FRMPD2: variants seen among roughly 807,000 people sequenced by gnomAD.
FRMPD2 encodes the protein FERM and PDZ domain-containing protein 2.
Under a neutral mutation model 140.1 loss-of-function variants are expected in FRMPD2, and 96 were observed. The observed-to-expected ratio is 0.69, with a 90% confidence interval of 0.58 to 0.81. The LOEUF (loss-of-function observed/expected upper bound fraction) is 0.81. FRMPD2 is among the 40% of genes least tolerant of loss of function. FRMPD2 has a pLI of 0.00. For missense variants in FRMPD2, 1,240 were observed against 1,447.4 expected (o/e 0.86, Z 2.32); for synonymous variants, 449 against 547.6 (o/e 0.82, Z 2.52).
intron 12 of FRMPD2, among the ~76,000 whole-genome samples, chr10:48,214,398 G>A (rs1394711403): frequency 6.6e-6 from 1 of 152,126 alleles, no homozygotes; most frequent in Non-Finnish European, 1.5e-5. Flanking sequence ...AACATCAAGA[G>A]TAAACCTCAG....
At chr10:48,248,934 T>G (rs1208564925) in intron 3 of FRMPD2, 87 bp downstream of exon 3, 1 of 1,244,214 alleles carries the variant, frequency 8.0e-7, no homozygotes, top group Non-Finnish European at 1.1e-6. Context: ...TCTGCAAGGC[T>G]GAGCTGGGAG....
rs376247629 is a variant in FRMPD2, at chr10:48,234,890, CG to C, written c.993+1591del. Among the ~76,000 whole-genome samples the C allele has an allele frequency of 6.9e-4, 105 of 152,236 alleles. 1 individual carries two copies. The East Asian group carries it at 0.018, about 26-fold the overall frequency. Reference sequence around the variant, plus strand: ...GCACTGCACAAGCATCCCTGCAGAGCGGGGGAAGCTGGCCCCCATCACAGCA... The same window carrying C: ...GCACTGCACAAGCATCCCTGCAGAGCGGGGAAGCTGGCCCCCATCACAGCA... On this transcript the variant is annotated intron_variant, in intron 9 of 28. Coordinates refer to ENST00000374201, the MANE Select transcript of FRMPD2 (RefSeq NM_001018071.4).
chr10:48,220,331 G>C (rs919247236), intron 12 of FRMPD2, among the ~76,000 whole-genome samples: 1 of 152,112 alleles, frequency 6.6e-6, no homozygotes, highest in African/African-American at 2.4e-5. Context: ...AAAACATAAA[G>C]AGGGGAAAGG....
At chr10:48,242,125 G>A in intron 5 of FRMPD2, 36 bp downstream of exon 5, 1 of 1,447,256 alleles carries the variant, frequency 6.9e-7, no homozygotes, top group Non-Finnish European at 9.4e-7. Context: ...CACATGACCA[G>A]CAGCTACTGC....
intron 9 of FRMPD2, among the ~76,000 whole-genome samples, chr10:48,233,527 G>A (rs1445913242): frequency 6.6e-6 from 1 of 152,168 alleles, no homozygotes; most frequent in Admixed American, 6.5e-5. Context: ...TTCCTGAGAG[G>A]GCTGCCCAGG....
rs538103614 is a variant in FRMPD2 at position 48,259,048 on chromosome 10, A to T, written c.26-7357T>A. On this transcript the variant is annotated intron_variant, in intron 1 of 28. Coordinates refer to ENST00000374201, the MANE Select transcript of FRMPD2 (RefSeq NM_001018071.4). ...AAAATTGAAGTAAAATGTCAAGAGC[A>T]TCATTCAATGTTATTAATGCAGTCA... 5.3e-5 allele frequency among the ~76,000 whole-genome samples: 8 copies of T among 152,370 alleles called. No homozygotes were observed. In the South Asian group the frequency reaches 1.4e-3, roughly 28 times the overall value.
chr10:48,248,225 G>A (rs185902570), intron 3 of FRMPD2, among the ~76,000 whole-genome samples: 1 of 152,266 alleles, frequency 6.6e-6, no homozygotes, highest in Admixed American at 6.5e-5. Context: ...TTGTGTGGCT[G>A]CCTTGCACCA....
At chr10:48,269,329 TC>T (rs1840729377) in intron 1 of FRMPD2, among the ~76,000 whole-genome samples, 1 of 152,200 alleles carries the variant, frequency 6.6e-6, no homozygotes, top group African/African-American at 2.4e-5. Flanking sequence ...ATTTGCCAAG[TC>T]CCAGCAATGC....
At chr10:48,239,438 C>T (rs544103968) in intron 7 of FRMPD2, among the ~76,000 whole-genome samples, 167 bp downstream of exon 7, 63 of 152,320 alleles carry the variant, frequency 4.1e-4, no homozygotes, top group South Asian at 1.0e-3. Flanking sequence ...ATCTTGGCTT[C>T]GGATCTGCTT....
At chr10:48,219,692 T>C (rs141011983) in intron 12 of FRMPD2, among the ~76,000 whole-genome samples, 2 of 152,200 alleles carry the variant, frequency 1.3e-5, no homozygotes, top group Non-Finnish European at 1.5e-5. Context: ...GGTAGGTAAA[T>C]ACATTAGCAT....
intron 10 of FRMPD2, among the ~76,000 whole-genome samples, chr10:48,228,738 A>G (rs1056343858): frequency 6.6e-6 from 1 of 152,040 alleles, no homozygotes; most frequent in Non-Finnish European, 1.5e-5. Flanking sequence ...AAAATGTAAG[A>G]TATGTTTGGG....
At chr10:48,247,205 G>A (rs539628242) in intron 3 of FRMPD2, among the ~76,000 whole-genome samples, 2 of 152,350 alleles carry the variant, frequency 1.3e-5, no homozygotes, top group South Asian at 2.1e-4. Context: ...GCTCAAAGAC[G>A]CTCTGGGCAG....
intron 20 of FRMPD2, among the ~76,000 whole-genome samples, chr10:48,181,339 T>C (rs1252337627): frequency 2.0e-5 from 3 of 152,246 alleles, no homozygotes; most frequent in Non-Finnish European, 1.5e-5. Flanking sequence ...ATGGACATCT[T>C]CCCATCTTCT....
At chr10:48,220,909 G>A (rs1304357227) in intron 12 of FRMPD2, among the ~76,000 whole-genome samples, 1 of 152,192 alleles carries the variant, frequency 6.6e-6, no homozygotes, top group African/African-American at 2.4e-5. Flanking sequence ...ACTCCTGCAA[G>A]AACGGCCATA....
intron 24 of FRMPD2, among the ~76,000 whole-genome samples, chr10:48,173,541 G>A (rs879997094): frequency 6.6e-6 from 1 of 151,580 alleles, no homozygotes; most frequent in Non-Finnish European, 1.5e-5. Context: ...CCAGTGACCC[G>A]CTGGGCCGTG....
At chr10:48,215,251 C>A (rs1047480236) in intron 12 of FRMPD2, among the ~76,000 whole-genome samples, 2 of 152,098 alleles carry the variant, frequency 1.3e-5, no homozygotes, top group East Asian at 3.8e-4. Context: ...AACAGGTGGC[C>A]CCCACCCAGC....
chr10:48,252,603 C>G (rs746739168), intron 1 of FRMPD2, among the ~76,000 whole-genome samples: 11 of 152,194 alleles, frequency 7.2e-5, no homozygotes, highest in Non-Finnish European at 1.5e-5. Context: ...GACACCTCTG[C>G]TACCAGCCTC....
chr10:48,264,937 A>G (rs113656498), intron 1 of FRMPD2, among the ~76,000 whole-genome samples: 8,906 of 152,162 alleles, frequency 0.059, 833 homozygotes, highest in African/African-American at 0.2. Context: ...CAAAGCAGGA[A>G]GCATCAAGCT....
chr10:48,252,240 C>T (rs996756361), intron 1 of FRMPD2, among the ~76,000 whole-genome samples: 2 of 152,130 alleles, frequency 1.3e-5, no homozygotes, highest in Non-Finnish European at 2.9e-5. Flanking sequence ...CCCCATGTTT[C>T]AGAAAGGGGC....
Sources: gnomAD v4.1 joint callset for allele counts (sites outside exome capture counted in the v4.1 genomes callset) on GRCh38, gnomAD v4.1.1 for gene constraint, MANE v1.5 for transcripts, NCBI Gene and HGNC (gene_info 2026-07-23, HGNC 2026-07-21) for gene names.